Variants in GSE1 observed in about 807,000 individuals in gnomAD.
The protein encoded by GSE1 is genetic suppressor element 1.
Under a neutral mutation model 112.6 loss-of-function variants are expected in GSE1, and 32 were observed. That is an observed-to-expected ratio of 0.28 (90% CI 0.21 to 0.38). The LOEUF is 0.38. Ranked by LOEUF, GSE1 falls within the 10% of genes least tolerant of loss-of-function variation. The pLI is 1.00. For synonymous variants in GSE1, 1,115 were observed against 735.6 expected, an observed-to-expected ratio of 1.52 and a Z score of -8.35; for missense variants, 2,348 against 1,699.2, an observed-to-expected ratio of 1.38 and a Z score of -6.71.
At chr16:85,567,034 GCCCCCACCCCCACCCCCA>G (rs557302207) in intron 1 of GSE1, among the ~76,000 whole-genome samples, 70 of 146,712 alleles carry the variant, frequency 4.8e-4, no homozygotes, top group African/African-American at 1.4e-3. Context: ...TGTTACTCCC[GCCCCCACCCCCACCCCCA>G]CCCCCACCCC....
intron 2 of GSE1, among the ~76,000 whole-genome samples, chr16:85,485,648 C>T (rs949448121): frequency 3.3e-5 from 5 of 152,242 alleles, no homozygotes; most frequent in Non-Finnish European, 7.3e-5. Flanking sequence ...GGATTAAAGC[C>T]GTGCGCAGCC....
intron 2 of GSE1, among the ~76,000 whole-genome samples, chr16:85,434,863 G>T (rs2049207736): frequency 6.6e-6 from 1 of 152,212 alleles, no homozygotes; most frequent in Admixed American, 6.5e-5. Flanking sequence ...CAGGCCAGGG[G>T]CTGGGCTTGC....
At chr16:85,531,290 A>G (rs2044127229) in intron 2 of GSE1, among the ~76,000 whole-genome samples, 1 of 152,174 alleles carries the variant, frequency 6.6e-6, no homozygotes, top group Admixed American at 6.5e-5. Flanking sequence ...GAGGCCCTAA[A>G]CAACACAGTC....
intron 8 of GSE1, among the ~76,000 whole-genome samples, chr16:85,657,965 C>T (rs958006717): frequency 7.2e-5 from 11 of 152,214 alleles, no homozygotes; most frequent in African/African-American, 1.9e-4. Flanking sequence ...TCTCCATCTT[C>T]CTCTGCTTTT....
intron 1 of GSE1, among the ~76,000 whole-genome samples, chr16:85,560,901 G>A (rs762132261): frequency 2.0e-5 from 3 of 152,078 alleles, no homozygotes; most frequent in Non-Finnish European, 4.4e-5. Flanking sequence ...GGCCGAGGTG[G>A]GTGGATCACT....
In GSE1 at chr16:85,676,165, C is replaced by T. The variant is rs1041826502; in HGVS notation, c.*3626C>T. The T allele has an allele frequency of 6.6e-6, 1 of 152,604 alleles. No homozygotes were observed. Among genetic ancestry groups the T allele is most frequent in the African/African-American group, 2.4e-5 (1 of 41,442 alleles). The allele number at this position is 152,604 out of a possible 1,614,324, so 9.5% of individuals were successfully genotyped here. A position where few individuals can be genotyped will look rare whatever the true frequency, so the allele number is the denominator to read the frequency against. Reference sequence around the variant, plus strand: ...ATTTATGAATATATTGCTGTAATTTCTGACAACATCCAAAAAATAAAATCT... The same window carrying T: ...ATTTATGAATATATTGCTGTAATTTTTGACAACATCCAAAAAATAAAATCT... On this transcript the variant is annotated 3_prime_UTR_variant, in exon 16 of 16. Transcript: ENST00000253458.
intron 1 of GSE1, among the ~76,000 whole-genome samples, chr16:85,188,397 C>A (rs1487647241): frequency 6.6e-6 from 1 of 152,144 alleles, no homozygotes; most frequent in South Asian, 2.1e-4. Context: ...TTATTATTTC[C>A]CTTCTGTTCC....
intron 1 of GSE1, among the ~76,000 whole-genome samples, chr16:85,585,518 G>A (rs59289144): frequency 0.025 from 3,858 of 152,308 alleles, 165 homozygotes; most frequent in African/African-American, 0.087. Context: ...GCTTTGGCAC[G>A]TGGTTGCCTT....
chr16:85,357,670 T>C, intron 2 of GSE1: 1 of 1,254,192 alleles, frequency 8.0e-7, no homozygotes, highest in Non-Finnish European at 1.0e-6. Context: ...TTTGTATCTC[T>C]GGGTACTGGG....
At chr16:85,345,369 G>GT (rs1159324873) in intron 1 of GSE1, among the ~76,000 whole-genome samples, 1 of 152,162 alleles carries the variant, frequency 6.6e-6, no homozygotes, top group African/African-American at 2.4e-5. Flanking sequence ...AAGCTGAGTG[G>GT]TTTTGACAGA....
intron 1 of GSE1, among the ~76,000 whole-genome samples, chr16:85,259,314 TGTGCTCCACCCTGGCCC>T (rs1214369570): frequency 6.6e-6 from 1 of 151,810 alleles, no homozygotes; most frequent in African/African-American, 2.4e-5. Flanking sequence ...TGGCCCACCC[TGTGCTCCACCCTGGCCC>T]ACCCTGTGCT....
intron 1 of GSE1, among the ~76,000 whole-genome samples, chr16:85,270,829 G>A (rs555955894): frequency 7.7e-4 from 117 of 152,314 alleles, no homozygotes; most frequent in African/African-American, 2.7e-3. Flanking sequence ...AAATGTGCCT[G>A]TCTGGCTCCT....
chr16:85,229,283 G>A (rs1201742447), intron 1 of GSE1, among the ~76,000 whole-genome samples: 10 of 152,354 alleles, frequency 6.6e-5, no homozygotes, highest in South Asian at 6.2e-4. Flanking sequence ...GCGGCAGGCC[G>A]GAGCCAGCTC....
intron 2 of GSE1, among the ~76,000 whole-genome samples, chr16:85,534,162 C>G (rs2044242818): frequency 6.6e-6 from 1 of 150,886 alleles, no homozygotes; most frequent in African/African-American, 2.4e-5. Context: ...TGCTCTGTCG[C>G]CCAGGCTGGA....
At chr16:85,233,536 ATGT>A (rs1904316187) in intron 1 of GSE1, among the ~76,000 whole-genome samples, 1 of 152,210 alleles carries the variant, frequency 6.6e-6, no homozygotes, top group Admixed American at 6.5e-5. Flanking sequence ...TCATGCACAC[ATGT>A]TGTACAGTGT....
At chr16:85,484,265 C>T (rs1218921557) in intron 2 of GSE1, among the ~76,000 whole-genome samples, 1 of 152,238 alleles carries the variant, frequency 6.6e-6, no homozygotes, top group Non-Finnish European at 1.5e-5. Flanking sequence ...CCGCGGGTCC[C>T]CTGGGAACCA....
chr16:85,414,795 TG>T (rs1467139470), intron 2 of GSE1, among the ~76,000 whole-genome samples: 1 of 151,862 alleles, frequency 6.6e-6, no homozygotes, highest in Admixed American at 6.6e-5. Context: ...CCACCATGCC[TG>T]ACTAATTTTT....
At chr16:85,521,740 G>C (rs2052192805) in intron 2 of GSE1, among the ~76,000 whole-genome samples, 1 of 152,236 alleles carries the variant, frequency 6.6e-6, no homozygotes, top group African/African-American at 2.4e-5. Flanking sequence ...GGAGGGCAGG[G>C]GCCTGGTTGT....
intron 2 of GSE1, among the ~76,000 whole-genome samples, chr16:85,501,912 C>T (rs2051381334): frequency 6.6e-6 from 1 of 152,212 alleles, no homozygotes; most frequent in Admixed American, 6.5e-5. Flanking sequence ...TCTGAATTTC[C>T]CTCAGGCCCT....
Sources: gnomAD v4.1 joint callset for allele counts (sites outside exome capture counted in the v4.1 genomes callset) on GRCh38, gnomAD v4.1.1 for gene constraint, MANE v1.5 for transcripts, NCBI Gene and HGNC (gene_info 2026-07-23, HGNC 2026-07-21) for gene names.